Variants in CYP2B6 observed in about 807,000 individuals in gnomAD.
CYP2B6 encodes the protein cytochrome P450 family 2 subfamily B member 6.
A neutral mutation model predicts 43.4 loss-of-function variants in CYP2B6; 35 were observed. That is an observed-to-expected ratio of 0.81 (90% CI 0.62 to 1.07). CYP2B6 has a LOEUF of 1.07. Ranked by LOEUF, CYP2B6 falls within the 50% of genes least tolerant of loss-of-function variation. CYP2B6 has a pLI of 0.00. For synonymous variants in CYP2B6, 239 were observed against 239.2 expected, an observed-to-expected ratio of 1.00 and a Z score of 0.01; for missense variants, 624 against 632.8, an observed-to-expected ratio of 0.99 and a Z score of 0.15.
At chr19:40,992,291 A>C (rs1164457253) in intron 1 of CYP2B6, among the ~76,000 whole-genome samples, 2 of 152,002 alleles carry the variant, frequency 1.3e-5, no homozygotes, top group Non-Finnish European at 2.9e-5. Context: ...AATTTAATTA[A>C]ACAATTCTCC....
At chr19:41,004,720 G>T (rs540630272) in intron 3 of CYP2B6, among the ~76,000 whole-genome samples, 1 of 152,088 alleles carries the variant, frequency 6.6e-6, no homozygotes, top group Non-Finnish European at 1.5e-5. Flanking sequence ...TGGATGTGAT[G>T]ACTCTCACCT....
chr19:41,004,900 G>T (rs1969152744), intron 3 of CYP2B6, among the ~76,000 whole-genome samples: 1 of 152,002 alleles, frequency 6.6e-6, no homozygotes, highest in Admixed American at 6.6e-5. Context: ...GCTAAGGTGG[G>T]ACTACAGGAT....
At chr19:41,010,186 G>A (rs753962770) in intron 6 of CYP2B6, 51 bp downstream of exon 6, 2 of 1,605,580 alleles carry the variant, frequency 1.2e-6, no homozygotes. Context: ...CTTCTGAGCT[G>A]CAGAAATGGG....
chr19:41,013,704 A>G (rs1035456670), intron 8 of CYP2B6, among the ~76,000 whole-genome samples: 2 of 152,262 alleles, frequency 1.3e-5, no homozygotes, highest in Non-Finnish European at 2.9e-5. Flanking sequence ...GACTTGTCCC[A>G]GTTCTCATCC....
Position 41,004,279 on chromosome 19 carries a change from A to G in CYP2B6, c.335-18A>G. 1 of 1,613,394 alleles carries G rather than the reference A, an allele frequency of 6.2e-7. No homozygotes were observed. Among genetic ancestry groups the G allele is most frequent in the South Asian group, 1.1e-5 (1 of 91,040 alleles). ...CCAACTTCTTCTACAACCAACCCAC[A>G]CCTCCCCTGCACCCCAGGTGTGATC... On this transcript the variant is annotated intron_variant, in intron 2 of 8. Transcript: ENST00000324071.
chr19:40,995,046 G>A (rs1258957682), intron 1 of CYP2B6, among the ~76,000 whole-genome samples: 1 of 152,032 alleles, frequency 6.6e-6, no homozygotes, highest in Non-Finnish European at 1.5e-5. Context: ...TTGTTTGTTT[G>A]CTTGTTTTGC....
At chr19:41,000,177 C>T (rs967884636) in intron 1 of CYP2B6, among the ~76,000 whole-genome samples, 1 of 152,052 alleles carries the variant, frequency 6.6e-6, no homozygotes, top group African/African-American at 2.4e-5. Context: ...GCAGCAGCTC[C>T]CTTGAGAAGA....
chr19:41,003,915 C>T (rs1395609227), intron 1 of CYP2B6, 86 bp from the exon 2 acceptor site: 6 of 1,535,972 alleles, frequency 3.9e-6, no homozygotes, highest in African/African-American at 1.4e-5. Flanking sequence ...GGCTAATTAC[C>T]AATCTGGTAT....
chr19:41,007,288 T>C (rs1325672115), intron 4 of CYP2B6: 16 of 564,448 alleles, frequency 2.8e-5, no homozygotes, highest in Non-Finnish European at 5.1e-5. Context: ...GAGGCAGAAA[T>C]AGAGTCAGAG....
In CYP2B6 at chr19:40,991,487, G is replaced by C. The variant is rs752947996; in HGVS notation, c.171+11G>C. The C allele has an allele frequency of 7.4e-6, 12 of 1,613,198 alleles. No homozygotes were observed. Among genetic ancestry groups the C allele is most frequent in the Non-Finnish European group, 1.0e-5 (12 of 1,179,992 alleles). On this transcript the variant is annotated intron_variant, in intron 1 of 8. Transcript: ENST00000324071. ...AAATCCTTTCTGAGGGTAAGACACA[G>C]ACGAATGGGGTCTGAGGGTGAGCTG...
chr19:40,999,564 T>G (rs543895124), intron 1 of CYP2B6, among the ~76,000 whole-genome samples: 25 of 152,302 alleles, frequency 1.6e-4, no homozygotes, highest in African/African-American at 6.0e-4. Context: ...GGTCTAACGT[T>G]TAAGTCTTTA....
chr19:41,006,523 A>G (rs1033831311), intron 3 of CYP2B6, among the ~76,000 whole-genome samples: 7 of 151,776 alleles, frequency 4.6e-5, no homozygotes, highest in African/African-American at 9.7e-5. Context: ...CTGGGATTTA[A>G]CTGTACTCAC....
intron 6 of CYP2B6, among the ~76,000 whole-genome samples, chr19:41,011,376 C>T (rs1299595708): frequency 4.6e-5 from 7 of 152,134 alleles, no homozygotes; most frequent in Non-Finnish European, 5.9e-5. Flanking sequence ...TGTGATTATT[C>T]ATTAATTGGG....
intron 4 of CYP2B6, among the ~76,000 whole-genome samples, chr19:41,008,936 C>G (rs1480487264): frequency 6.7e-6 from 1 of 149,880 alleles, no homozygotes; most frequent in African/African-American, 2.5e-5. Context: ...ATGGGTGACA[C>G]AGAAAGGAAG....
intron 3 of CYP2B6, among the ~76,000 whole-genome samples, chr19:41,005,244 A>C (rs1403183038): frequency 9.2e-5 from 14 of 152,084 alleles, no homozygotes; most frequent in African/African-American, 3.4e-4. Context: ...GTTCTCCATA[A>C]CTTGGTGTCT....
intron 3 of CYP2B6, among the ~76,000 whole-genome samples, chr19:41,006,270 A>C (rs1360530226): frequency 6.6e-6 from 1 of 151,160 alleles, no homozygotes; most frequent in Non-Finnish European, 1.5e-5. Context: ...CTCCCACTTC[A>C]GCCCCTGGAC....
intron 1 of CYP2B6, among the ~76,000 whole-genome samples, chr19:40,995,696 G>T (rs1345379987): frequency 6.6e-6 from 1 of 152,168 alleles, no homozygotes; most frequent in Non-Finnish European, 1.5e-5. Flanking sequence ...TTTTACAAGA[G>T]ATCTATCTAT....
chr19:41,008,890 G>T (rs923354168), intron 4 of CYP2B6, among the ~76,000 whole-genome samples: 2 of 151,676 alleles, frequency 1.3e-5, no homozygotes, highest in Non-Finnish European at 2.9e-5. Flanking sequence ...GGAGAGAAAA[G>T]TATGAGAAAG....
At chr19:41,008,607 C>T (rs923280679) in intron 4 of CYP2B6, among the ~76,000 whole-genome samples, 3 of 151,306 alleles carry the variant, frequency 2.0e-5, no homozygotes, top group East Asian at 1.9e-4. Flanking sequence ...CTCCTCCCAC[C>T]GAGAACCACA....
Sources: gnomAD v4.1 joint callset for allele counts (sites outside exome capture counted in the v4.1 genomes callset) on GRCh38, gnomAD v4.1.1 for gene constraint, MANE v1.5 for transcripts, NCBI Gene and HGNC (gene_info 2026-07-23, HGNC 2026-07-21) for gene names.